STAM: variants seen among roughly 807,000 people sequenced by gnomAD.
The protein encoded by STAM is signal transducing adapter molecule 1.
STAM carries 16 observed loss-of-function variants against 63.4 expected under a neutral mutation model. The observed-to-expected ratio is 0.25, with a 90% confidence interval of 0.17 to 0.38. The LOEUF (loss-of-function observed/expected upper bound fraction) is 0.38. STAM is among the 10% of genes least tolerant of loss of function. The pLI is 1.00. For synonymous variants in STAM, 238 were observed against 223.9 expected (o/e 1.06, Z -0.56); for missense variants, 636 against 657.1 (o/e 0.97, Z 0.35).
chr10:17,679,239 TC>T (rs1342004188), intron 2 of STAM, among the ~76,000 whole-genome samples: 3 of 152,166 alleles, frequency 2.0e-5, no homozygotes, highest in Non-Finnish European at 4.4e-5. Context: ...ATCTTTCCTT[TC>T]TTAAAAAAAT....
intron 10 of STAM, 94 bp from the exon 11 acceptor site, chr10:17,704,876 A>C (rs1836184769): frequency 9.2e-7 from 1 of 1,086,786 alleles, no homozygotes. Context: ...TCCAAATTAA[A>C]TCTTTTATTC....
rs1193744979 is a variant in STAM at position 17,714,965 on chromosome 10, C to CCA, written c.*186_*187insAC. On this transcript the variant is annotated 3_prime_UTR_variant, in exon 14 of 14. Coordinates refer to ENST00000377524, the MANE Select transcript of STAM (RefSeq NM_003473.4). ...CTGACTTTTTAGAGGTTCTTCCCCC[C>CCA]CCGCCCCTGCAGAGGAATGAAACTA... 6 of 601,162 alleles carry CCA rather than the reference C, an allele frequency of 1.0e-5. No individual in the cohort carries two copies. The highest frequency in any genetic ancestry group is 1.8e-5 in the Non-Finnish European group (6 of 341,960). The allele number at this position is 601,162 out of a possible 1,614,324, so 37.2% of individuals were successfully genotyped here.
chr10:17,687,408 C>T (rs375508475), intron 4 of STAM, among the ~76,000 whole-genome samples: 1 of 152,076 alleles, frequency 6.6e-6, no homozygotes, highest in African/African-American at 2.4e-5. Context: ...TCCCCCACCC[C>T]CCTCTGGGAG....
At chr10:17,702,682 C>A (rs1329130020) in intron 9 of STAM, among the ~76,000 whole-genome samples, 4 of 152,070 alleles carry the variant, frequency 2.6e-5, no homozygotes, top group African/African-American at 9.7e-5. Flanking sequence ...TCCACCTGGG[C>A]TAGGAGAAGT....
chr10:17,650,741 T>G (rs186501234), intron 1 of STAM, among the ~76,000 whole-genome samples: 14 of 152,222 alleles, frequency 9.2e-5, no homozygotes, highest in African/African-American at 3.1e-4. Flanking sequence ...TTTTAAAATG[T>G]GAATGTACGC....
intron 2 of STAM, among the ~76,000 whole-genome samples, chr10:17,675,201 A>G (rs1239058137): frequency 6.6e-6 from 1 of 152,214 alleles, no homozygotes; most frequent in Non-Finnish European, 1.5e-5. Flanking sequence ...TAAAAGCCTA[A>G]TTAAAGATAA....
At chr10:17,707,400 A>C (rs1055480831) in intron 12 of STAM, among the ~76,000 whole-genome samples, 2 of 151,904 alleles carry the variant, frequency 1.3e-5, no homozygotes, top group African/African-American at 4.8e-5. Flanking sequence ...ACAGAGCAAG[A>C]CTCCACCTCA....
chr10:17,690,749 A>C (rs1835495308), intron 5 of STAM, among the ~76,000 whole-genome samples: 1 of 152,226 alleles, frequency 6.6e-6, no homozygotes, highest in African/African-American at 2.4e-5. Context: ...ATGTAAAAAT[A>C]TTAAGAAAAG....
rs1554830706 is a variant in STAM at position 17,715,033 on chromosome 10, C to T, written c.*253C>T. The T allele has an allele frequency of 4.2e-6, 2 of 480,256 alleles. No homozygotes were observed. Among genetic ancestry groups the T allele is most frequent in the African/African-American group, 3.9e-5 (2 of 50,984 alleles). The allele number at this position is 480,256 out of a possible 1,614,324, so 29.7% of individuals were successfully genotyped here. On this transcript the variant is annotated 3_prime_UTR_variant, in exon 14 of 14. Coordinates refer to ENST00000377524, the MANE Select transcript of STAM (RefSeq NM_003473.4). ...CTTTCATAATATGAAAGAATTGATA[C>T]AAGGCTATTTGTCTCGTAAACCTGG...
chr10:17,672,394 G>C (rs1210717893), intron 2 of STAM, among the ~76,000 whole-genome samples: 1 of 152,142 alleles, frequency 6.6e-6, no homozygotes, highest in Non-Finnish European at 1.5e-5. Context: ...CTGTAGAATT[G>C]AGCTGTATCA....
chr10:17,661,285 A>C (rs1834155432), intron 2 of STAM, among the ~76,000 whole-genome samples: 1 of 152,180 alleles, frequency 6.6e-6, no homozygotes, highest in African/African-American at 2.4e-5. Flanking sequence ...TTATTTGTGC[A>C]CTTTCATGTG....
chr10:17,688,222 A>G lies in STAM; in HGVS notation c.444+49A>G, dbSNP rs782810599. 2.2e-6 allele frequency: 3 copies of G among 1,377,350 alleles called. No homozygotes were observed. In the Admixed American group the frequency reaches 8.3e-5, roughly 38 times the overall value. 85.3% of individuals were successfully genotyped at this position (1,377,350 alleles called of 1,614,324 possible). A position where few individuals can be genotyped will look rare whatever the true frequency, so the allele number is the denominator to read the frequency against. ...GTGTGCTACAGTTTGTTTCTCTTAA[A>G]TAGCTATATTTATTTGAATTTTTTT... On this transcript the variant is annotated intron_variant, in intron 5 of 13. Coordinates refer to ENST00000377524, the MANE Select transcript of STAM (RefSeq NM_003473.4).
intron 1 of STAM, among the ~76,000 whole-genome samples, chr10:17,651,149 G>A (rs1833727455): frequency 6.6e-6 from 1 of 150,950 alleles, no homozygotes; most frequent in Non-Finnish European, 1.5e-5. Flanking sequence ...GGCATGTAAG[G>A]CCTCTTATAT....
At chr10:17,671,163 C>G (rs1834624212) in intron 2 of STAM, among the ~76,000 whole-genome samples, 1 of 152,110 alleles carries the variant, frequency 6.6e-6, no homozygotes, top group African/African-American at 2.4e-5. Flanking sequence ...TATACTAAGA[C>G]CTATAAAAGC....
At chr10:17,696,553 T>C (rs1224644056) in intron 7 of STAM, 1 of 455,312 alleles carries the variant, frequency 2.2e-6, no homozygotes, top group African/African-American at 2.0e-5. Flanking sequence ...CTGCAGAGCA[T>C]GCATTGGCAG....
chr10:17,647,670 T>C (rs1004362370), intron 1 of STAM, among the ~76,000 whole-genome samples: 3 of 152,206 alleles, frequency 2.0e-5, no homozygotes, highest in Admixed American at 2.0e-4. Flanking sequence ...ATCTTTAATA[T>C]GGAATATAAG....
At chr10:17,700,833 A>G (rs1282458671) in intron 9 of STAM, among the ~76,000 whole-genome samples, 1 of 152,206 alleles carries the variant, frequency 6.6e-6, no homozygotes, top group East Asian at 1.9e-4. Flanking sequence ...ATCTATTGAA[A>G]CAAATAAATT....
intron 2 of STAM, among the ~76,000 whole-genome samples, chr10:17,675,731 C>T (rs1554824590): frequency 2.0e-5 from 3 of 152,046 alleles, no homozygotes. Flanking sequence ...ATGCTTGTCA[C>T]CTAGAAGGTA....
chr10:17,649,032 G>C (rs1833633184), intron 1 of STAM, among the ~76,000 whole-genome samples: 1 of 152,144 alleles, frequency 6.6e-6, no homozygotes, highest in African/African-American at 2.4e-5. Context: ...TGAAGGTCTG[G>C]ATATTCATCA....
Sources: allele counts gnomAD v4.1 joint callset (sites outside exome capture counted in the v4.1 genomes callset), GRCh38; gene constraint gnomAD v4.1.1; transcripts MANE v1.5; gene names NCBI Gene and HGNC (gene_info 2026-07-23, HGNC 2026-07-21).